Variants in UNC5C observed in about 807,000 individuals in gnomAD.
UNC5C encodes netrin receptor UNC5C.
UNC5C carries 47 observed loss-of-function variants against 99.8 expected under a neutral mutation model. The observed-to-expected ratio is 0.47, with a 90% CI of 0.37 to 0.60. The LOEUF (loss-of-function observed/expected upper bound fraction) is 0.60, where lower values mean the gene tolerates loss of function less well. UNC5C is among the 20% of genes least tolerant of loss of function. The probability of loss-of-function intolerance (pLI) is 0.00; values close to 1 mark genes in which losing one functional copy is unlikely to be tolerated. For synonymous variants in UNC5C, 487 were observed against 452.2 expected, an observed-to-expected ratio of 1.08 and a Z score of -0.98; for missense variants, 1,062 against 1,165.9, an observed-to-expected ratio of 0.91 and a Z score of 1.30.
At chr4:95,358,473 T>C (rs1363171237) in intron 1 of UNC5C, among the ~76,000 whole-genome samples, 2 of 152,180 alleles carry the variant, frequency 1.3e-5, no homozygotes. Flanking sequence ...AGGGTATGAG[T>C]CACCTCTAGC....
chr4:95,219,149 T>G lies in UNC5C; in HGVS notation c.1465A>C (p.Thr489Pro), dbSNP rs1351004233. ...AACTCAGAGAGGTCATCTTGGGGGG[T>G]GACAGCACCTGAGGTGTTGTACACT... is the stretch of plus-strand genomic sequence containing the variant. ...IKVYNTSGAV[T>P]PQDDLSEFTS... is the part of the protein sequence containing the mutation. Residue 489 changes from threonine (T) to proline (P), a missense_variant, in exon 9 of 16, where the codon ACC becomes CCC. By Grantham distance (38) the Thr-to-Pro change is conservative. Around this residue, in one of 3 missense-constraint regions of UNC5C, gnomAD observed 810 missense variants for 854.5 expected, o/e 0.95. Transcript: ENST00000453304. 6.2e-7 allele frequency: 1 copy of G among 1,613,740 alleles called. No individual in the cohort carries two copies. The highest frequency in any genetic ancestry group is 1.1e-5 in the South Asian group (1 of 91,062).
In UNC5C at chr4:95,165,895, T is replaced by C. The variant is rs564683033; in HGVS notation, c.*3339A>G. ...CTGTTACAAGAAGCAACTGAAGATA[T>C]GTTGTGTATGAATGAGTTGATGTAC... On this transcript the variant is annotated 3_prime_UTR_variant, in exon 16 of 16. Transcript: ENST00000453304. 7.2e-5 allele frequency: 11 copies of C among 152,304 alleles called. No homozygotes were observed. Among genetic ancestry groups the C allele is most frequent in the South Asian group, 6.2e-4 (3 of 4,820 alleles). 9.4% of individuals were successfully genotyped at this position (152,304 alleles called of 1,614,324 possible). A position where few individuals can be genotyped will look rare whatever the true frequency, so the allele number is the denominator to read the frequency against.
chr4:95,193,760 G>A (rs953508826), intron 12 of UNC5C, among the ~76,000 whole-genome samples: 14 of 152,088 alleles, frequency 9.2e-5, no homozygotes, highest in Admixed American at 4.6e-4. Flanking sequence ...CCAGCTTTTC[G>A]GCGACGCTGC....
chr4:95,180,991 G>A (rs1736589475), intron 14 of UNC5C, among the ~76,000 whole-genome samples: 2 of 152,112 alleles, frequency 1.3e-5, no homozygotes, highest in Admixed American at 1.3e-4. Context: ...CTTCAGCGCA[G>A]AGGCTTCCTC....
intron 1 of UNC5C, among the ~76,000 whole-genome samples, chr4:95,446,168 A>G (rs1246942428): frequency 6.6e-6 from 1 of 152,126 alleles, no homozygotes; most frequent in Non-Finnish European, 1.5e-5. Context: ...CTGATTTACT[A>G]TGATACAAAT....
At chr4:95,252,437 G>C (rs1261376499) in intron 4 of UNC5C, among the ~76,000 whole-genome samples, 2 of 152,126 alleles carry the variant, frequency 1.3e-5, no homozygotes, top group Non-Finnish European at 2.9e-5. Context: ...CTGAAGAGCA[G>C]CCCTCAGGCT....
At chr4:95,522,122 G>A (rs1422583163) in intron 1 of UNC5C, among the ~76,000 whole-genome samples, 1 of 151,962 alleles carries the variant, frequency 6.6e-6, no homozygotes, top group Non-Finnish European at 1.5e-5. Context: ...CTGAACAGAT[G>A]CATGTGACAA....
intron 1 of UNC5C, among the ~76,000 whole-genome samples, chr4:95,538,677 C>T (rs898833957): frequency 5.9e-5 from 9 of 152,070 alleles, no homozygotes; most frequent in African/African-American, 1.4e-4. Flanking sequence ...TACTTACACA[C>T]TTTAAAAATC....
intron 1 of UNC5C, among the ~76,000 whole-genome samples, chr4:95,504,814 T>C (rs1002306456): frequency 2.6e-5 from 4 of 152,090 alleles, no homozygotes; most frequent in Non-Finnish European, 4.4e-5. Flanking sequence ...ATATGAATCA[T>C]CAACTAATGT....
chr4:95,217,445 A>G (rs1326317112), intron 9 of UNC5C, among the ~76,000 whole-genome samples: 1 of 152,214 alleles, frequency 6.6e-6, no homozygotes, highest in East Asian at 1.9e-4. Flanking sequence ...AAGATCACAC[A>G]TGAGGCTACC....
chr4:95,411,363 G>A (rs528242789), intron 1 of UNC5C, among the ~76,000 whole-genome samples: 90 of 152,256 alleles, frequency 5.9e-4, no homozygotes, highest in African/African-American at 2.0e-3. Context: ...ACATAGTGCA[G>A]AATTTTAAAG....
chr4:95,217,602 C>G (rs1231339931), intron 9 of UNC5C, among the ~76,000 whole-genome samples: 1 of 152,120 alleles, frequency 6.6e-6, no homozygotes, highest in African/African-American at 2.4e-5. Context: ...TCACCATTGC[C>G]TAATACATAG....
At chr4:95,228,871 T>A (rs939544720) in intron 7 of UNC5C, among the ~76,000 whole-genome samples, 1 of 152,018 alleles carries the variant, frequency 6.6e-6, no homozygotes, top group Non-Finnish European at 1.5e-5. Flanking sequence ...ATGAAAAAAA[T>A]TTCCAAACAG....
intron 4 of UNC5C, among the ~76,000 whole-genome samples, chr4:95,263,097 G>A (rs1041538719): frequency 2.0e-5 from 3 of 152,132 alleles, no homozygotes; most frequent in African/African-American, 7.2e-5. Flanking sequence ...TTACAGGTGT[G>A]AGCCATTGTG....
rs1434233412 is a variant in UNC5C at position 95,250,548 on chromosome 4, G to C, written c.714C>G (p.Thr238=). 6.2e-7 allele frequency: 1 copy of C among 1,613,916 alleles called. No individual in the cohort carries two copies. The highest frequency in any genetic ancestry group is 8.5e-7 in the Non-Finnish European group (1 of 1,179,980). ...TGGCAACAATGTTTTTGGCAACACA[G>C]GTGTAATTTGCAGTATCAGAGAGTC... ...QARLSDTANY[T]CVAKNIVAKR... is the part of the protein sequence containing the mutation. The change falls in exon 5 of 16, where the codon ACC becomes ACG. Residue 238 remains threonine, a synonymous_variant. Coordinates refer to ENST00000453304, the MANE Select transcript of UNC5C (RefSeq NM_003728.4).
chr4:95,264,894 C>T (rs1049821951), intron 4 of UNC5C, among the ~76,000 whole-genome samples: 1 of 152,212 alleles, frequency 6.6e-6, no homozygotes, highest in African/African-American at 2.4e-5. Context: ...AAACCTCTTT[C>T]ACTGGTCCTT....
intron 4 of UNC5C, among the ~76,000 whole-genome samples, chr4:95,252,844 G>A (rs1011384332): frequency 2.0e-5 from 3 of 152,226 alleles, no homozygotes; most frequent in Non-Finnish European, 4.4e-5. Flanking sequence ...GTCCACATGA[G>A]TGACTCACAT....
chr4:95,368,631 C>G (rs1291123645), intron 1 of UNC5C, among the ~76,000 whole-genome samples: 1 of 152,104 alleles, frequency 6.6e-6, no homozygotes, highest in Non-Finnish European at 1.5e-5. Flanking sequence ...CTCTCCAAAT[C>G]AAGTGTTTGA....
At chr4:95,318,365 C>T (rs942957970) in intron 2 of UNC5C, among the ~76,000 whole-genome samples, 9 of 152,044 alleles carry the variant, frequency 5.9e-5, no homozygotes, top group African/African-American at 1.4e-4. Context: ...TGGAGCTCCC[C>T]GAGGAGGGCA....
Sources: gnomAD v4.1 joint callset for allele counts (sites outside exome capture counted in the v4.1 genomes callset) on GRCh38, gnomAD v4.1.1 for gene constraint, gnomAD v4.1.1 regional missense constraint, MANE v1.5 for transcripts, NCBI Gene and HGNC (gene_info 2026-07-23, HGNC 2026-07-21) for gene names.